The following PRKAG2 variants were observed in gnomAD, a reference collection of about 807,000 sequenced individuals.
PRKAG2 encodes the protein protein kinase AMP-activated non-catalytic subunit gamma 2.
In PRKAG2, 26 loss-of-function variants were observed where a neutral mutation model predicts 69.6. The observed-to-expected ratio is 0.37, with a 90% CI of 0.27 to 0.52. PRKAG2 has a LOEUF of 0.52. Among genes scored for constraint, PRKAG2 ranks in the 20% least tolerant of loss-of-function variants. The pLI, the probability that PRKAG2 is intolerant of heterozygous loss-of-function variation, is 0.90. For synonymous variants in PRKAG2, 293 were observed against 285.0 expected, an observed-to-expected ratio of 1.03 and a Z score of -0.28; for missense variants, 557 against 740.0, an observed-to-expected ratio of 0.75 and a Z score of 2.87.
intron 5 of PRKAG2, among the ~76,000 whole-genome samples, chr7:151,624,333 T>C (rs2151289567): frequency 6.6e-6 from 1 of 152,102 alleles, no homozygotes; most frequent in East Asian, 1.9e-4. Context: ...TTTATTTTTA[T>C]AGAGAGAGGG....
Position 151,565,325 on chromosome 7 carries a change from GAACAA to G in PRKAG2, c.1437+16_1437+20del, listed in dbSNP as rs1273726884. 1 of 1,371,406 alleles carries G rather than the reference GAACAA, an allele frequency of 7.3e-7. No homozygotes were observed. 85.0% of individuals were successfully genotyped at this position (1,371,406 alleles called of 1,614,324 possible). ...TAAAATGCATTCTAGGTGACAGATT[GAACAA>G]AATTAAAATACTTACAATTACATCA... On this transcript the variant is annotated intron_variant, in intron 13 of 15. Coordinates refer to ENST00000287878, the MANE Select transcript of PRKAG2 (RefSeq NM_016203.4).
At chr7:151,761,426 A>G (rs952582135) in intron 3 of PRKAG2, among the ~76,000 whole-genome samples, 1 of 152,150 alleles carries the variant, frequency 6.6e-6, no homozygotes, top group Admixed American at 6.5e-5. Flanking sequence ...ATGTCTTTCC[A>G]GACTTCTGCA....
chr7:151,647,636 G>A (rs1450184859), intron 4 of PRKAG2, among the ~76,000 whole-genome samples: 1 of 152,314 alleles, frequency 6.6e-6, no homozygotes, highest in African/African-American at 2.4e-5. Context: ...GTCAGGATGT[G>A]CTGATGGTCT....
intron 1 of PRKAG2, among the ~76,000 whole-genome samples, chr7:151,875,325 G>A (rs2080360886): frequency 6.6e-6 from 1 of 152,198 alleles, no homozygotes; most frequent in Non-Finnish European, 1.5e-5. Flanking sequence ...GCACGTGTGG[G>A]CCGGAGTTTA....
chr7:151,845,637 G>A (rs867615861), intron 1 of PRKAG2, among the ~76,000 whole-genome samples: 13 of 152,166 alleles, frequency 8.5e-5, no homozygotes, highest in Admixed American at 7.2e-4. Flanking sequence ...GGTGGCTGCC[G>A]TTTTCAGATG....
At chr7:151,825,536 C>T (rs1433149788) in intron 1 of PRKAG2, among the ~76,000 whole-genome samples, 1 of 152,224 alleles carries the variant, frequency 6.6e-6, no homozygotes. Flanking sequence ...GCTCCCCATG[C>T]ACCTGGCACC....
At chr7:151,691,907 C>T (rs1835725507) in intron 3 of PRKAG2, among the ~76,000 whole-genome samples, 1 of 152,184 alleles carries the variant, frequency 6.6e-6, no homozygotes, top group South Asian at 2.1e-4. Context: ...ATTCAAACAT[C>T]CTTCAACTGG....
intron 3 of PRKAG2, among the ~76,000 whole-genome samples, chr7:151,761,910 G>A (rs755089895): frequency 6.6e-5 from 10 of 152,190 alleles, no homozygotes; most frequent in Non-Finnish European, 8.8e-5. Flanking sequence ...ATTTATCCCC[G>A]TGTGTCTTTT....
intron 7 of PRKAG2, chr7:151,576,161 G>T (rs935996072): frequency 5.3e-6 from 3 of 566,294 alleles, no homozygotes; most frequent in Non-Finnish European, 9.5e-6. Flanking sequence ...GGCTGGCCTC[G>T]AACTGCTGGG....
At chr7:151,866,259 T>C (rs901217585) in intron 1 of PRKAG2, among the ~76,000 whole-genome samples, 7 of 152,242 alleles carry the variant, frequency 4.6e-5, no homozygotes, top group Non-Finnish European at 7.4e-5. Context: ...AGGGAGGCCT[T>C]GGCTGCTCGT....
intron 1 of PRKAG2, among the ~76,000 whole-genome samples, chr7:151,815,504 C>A (rs2078615472): frequency 6.6e-6 from 1 of 152,178 alleles, no homozygotes; most frequent in Admixed American, 6.5e-5. Context: ...TAGGGACAGC[C>A]CCTGTACCCA....
intron 1 of PRKAG2, among the ~76,000 whole-genome samples, chr7:151,861,389 A>G (rs1269804235): frequency 6.6e-6 from 1 of 152,016 alleles, no homozygotes; most frequent in African/African-American, 2.4e-5. Flanking sequence ...CTGGCCGGTC[A>G]TGGTGGTGCA....
intron 3 of PRKAG2, among the ~76,000 whole-genome samples, chr7:151,701,221 C>T (rs895489144): frequency 2.6e-5 from 4 of 152,240 alleles, no homozygotes; most frequent in African/African-American, 9.6e-5. Context: ...TAGCCACCTT[C>T]TCCCTCCAGT....
chr7:151,617,193 G>A (rs145937190), intron 5 of PRKAG2, among the ~76,000 whole-genome samples: 1,826 of 150,506 alleles, frequency 0.012, 26 homozygotes, highest in African/African-American at 0.042. Context: ...ACCTGGAGGC[G>A]GAGGTTGCAG....
chr7:151,607,074 C>T (rs1245607468), intron 5 of PRKAG2, among the ~76,000 whole-genome samples: 1 of 152,074 alleles, frequency 6.6e-6, no homozygotes, highest in Non-Finnish European at 1.5e-5. Context: ...GATGCCAACC[C>T]AACATTATTA....
chr7:151,767,248 C>T (rs949043151), intron 3 of PRKAG2, among the ~76,000 whole-genome samples: 1 of 152,204 alleles, frequency 6.6e-6, no homozygotes, highest in African/African-American at 2.4e-5. Context: ...CCTGCCCACA[C>T]CCTGATTCCA....
chr7:151,704,896 G>A (rs995208919), intron 3 of PRKAG2, among the ~76,000 whole-genome samples: 3 of 152,150 alleles, frequency 2.0e-5, no homozygotes, highest in East Asian at 1.9e-4. Flanking sequence ...CCACTACAAA[G>A]CCTATGATTT....
Position 151,781,443 on chromosome 7 carries a change from C to A in PRKAG2, c.187-12G>T. The A allele has an allele frequency of 6.3e-7, 1 of 1,598,094 alleles. No homozygotes were observed. Among genetic ancestry groups the A allele is most frequent in the Non-Finnish European group, 8.5e-7 (1 of 1,173,074 alleles). ...AAGGGGCTGTCCACCTGCAGAAAAA[C>A]AGACGAATGGATGCAGTCACTCCAC... On this transcript the variant is annotated splice_polypyrimidine_tract_variant and intron_variant, in intron 2 of 15. Transcript: ENST00000287878. The surrounding 1 kb of genome is among the most constrained non-coding windows in gnomAD (Gnocchi z 6.1).
chr7:151,761,452 T>C (rs890443022), intron 3 of PRKAG2, among the ~76,000 whole-genome samples: 1 of 152,148 alleles, frequency 6.6e-6, no homozygotes, highest in Non-Finnish European at 1.5e-5. Context: ...GGCAACCAAT[T>C]TGACCTCACC....
Sources: allele counts gnomAD v4.1 joint callset (sites outside exome capture counted in the v4.1 genomes callset), GRCh38; gene constraint gnomAD v4.1.1; non-coding constraint Gnocchi (gnomAD v3.1); transcripts MANE v1.5; gene names NCBI Gene and HGNC (gene_info 2026-07-23, HGNC 2026-07-21).